The following ARIH1 variants were observed in gnomAD, a reference collection of about 807,000 sequenced individuals.
ARIH1 encodes the protein E3 ubiquitin-protein ligase ARIH1.
In ARIH1, 8 loss-of-function variants were observed where a neutral mutation model predicts 85.0. That is an observed-to-expected ratio of 0.09 (90% CI 0.06 to 0.17). The LOEUF is 0.17. ARIH1 is among the 10% of genes least tolerant of loss of function. The pLI is 1.00. For missense variants in ARIH1, 311 were observed against 718.1 expected (o/e 0.43, Z 6.48); for synonymous variants, 238 against 253.6 (o/e 0.94, Z 0.59).
intron 1 of ARIH1, among the ~76,000 whole-genome samples, chr15:72,493,271 G>T (rs185605412): frequency 8.8e-4 from 131 of 149,586 alleles, no homozygotes; most frequent in East Asian, 8.5e-3. Context: ...ACACTTTTTG[G>T]GGGGGGAGGT....
At chr15:72,483,874 A>C (rs1316770143) in intron 1 of ARIH1, among the ~76,000 whole-genome samples, 3 of 151,926 alleles carry the variant, frequency 2.0e-5, no homozygotes, top group Admixed American at 1.3e-4. Flanking sequence ...TTTAAAATAG[A>C]AAATTGTAGA....
intron 1 of ARIH1, among the ~76,000 whole-genome samples, chr15:72,477,263 C>A (rs970052836): frequency 6.6e-6 from 1 of 152,142 alleles, no homozygotes; most frequent in Non-Finnish European, 1.5e-5. Flanking sequence ...TTGCCCATTG[C>A]CCCTCTTTGG....
intron 1 of ARIH1, among the ~76,000 whole-genome samples, chr15:72,478,958 C>T (rs980734683): frequency 2.6e-5 from 4 of 152,136 alleles, no homozygotes; most frequent in Non-Finnish European, 5.9e-5. Flanking sequence ...CCGCCTCAGC[C>T]TCCTGAGTAG....
At chr15:72,475,295 C>T (rs1346129642) in intron 1 of ARIH1, 2 of 501,878 alleles carry the variant, frequency 4.0e-6, no homozygotes, top group Admixed American at 9.1e-5. Context: ...CAATTTCTGC[C>T]AGTCCCTGGG....
chr15:72,506,893 G>A (rs1406657024), intron 1 of ARIH1, among the ~76,000 whole-genome samples: 1 of 151,832 alleles, frequency 6.6e-6, no homozygotes, highest in Admixed American at 6.6e-5. Context: ...AAATAAGAAA[G>A]TTGTCTCTTG....
rs2064336632 is a variant in ARIH1 at position 72,590,134 on chromosome 15, A to G, written c.*6842A>G. 1 of 152,274 alleles carries G rather than the reference A, an allele frequency of 6.6e-6. No individual in the cohort carries two copies. Among genetic ancestry groups the G allele is most frequent in the African/African-American group, 2.4e-5 (1 of 41,464 alleles). The allele number at this position is 152,274 out of a possible 1,614,324, so 9.4% of individuals were successfully genotyped here. ...CAGTGCCGGGCACTGGCAGTACAGC[A>G]GTGAACAAAAGGTCTGTTGGTTTGT... On this transcript the variant is annotated 3_prime_UTR_variant, in exon 14 of 14. Coordinates refer to ENST00000379887, the MANE Select transcript of ARIH1 (RefSeq NM_005744.5).
rs138476328 is a variant in ARIH1, at chr15:72,478,474, C to A, written c.375+3460C>A. ...TAGCTAGGTAATTTATTAAAAGAACCCTGTTCAATTCTGCAGTTGGGAGTA... is the reference window on the plus strand; with the variant it reads ...TAGCTAGGTAATTTATTAAAAGAACACTGTTCAATTCTGCAGTTGGGAGTA... On this transcript the variant is annotated intron_variant, in intron 1 of 13. Transcript: ENST00000379887. Among the ~76,000 whole-genome samples, 982 of 152,196 alleles carry A rather than the reference C, an allele frequency of 6.5e-3. 11 individuals are homozygous for A. The highest frequency in any genetic ancestry group is 0.023 in the African/African-American group (940 of 41,522).
intron 5 of ARIH1, among the ~76,000 whole-genome samples, chr15:72,560,209 T>A (rs531106539): frequency 1.1e-4 from 17 of 152,268 alleles, no homozygotes; most frequent in Non-Finnish European, 2.1e-4. Flanking sequence ...AAGACAGATA[T>A]TAAACAAATG....
chr15:72,522,125 T>G (rs903466556), intron 2 of ARIH1, among the ~76,000 whole-genome samples: 3 of 152,194 alleles, frequency 2.0e-5, no homozygotes, highest in African/African-American at 2.4e-5. Flanking sequence ...TTAAAATAAT[T>G]AGAATTAAAT....
chr15:72,508,082 G>T (rs1024248367), intron 1 of ARIH1, among the ~76,000 whole-genome samples: 1 of 152,182 alleles, frequency 6.6e-6, no homozygotes, highest in Non-Finnish European at 1.5e-5. Context: ...AATCAGAATT[G>T]CTGGGGGCAA....
In ARIH1 at chr15:72,600,197, A is replaced by G. The variant is rs890723905; in HGVS notation, c.*16905A>G. 4.6e-5 allele frequency: 7 copies of G among 152,190 alleles called. No homozygotes were observed. Among genetic ancestry groups the G allele is most frequent in the African/African-American group, 9.7e-5 (4 of 41,436 alleles). The allele number at this position is 152,190 out of a possible 1,614,324, so 9.4% of individuals were successfully genotyped here. ...GTTACCGATGCCTGATTCCTCTTCT[A>G]TGTCCTCAGCCCCCACCATAAAAAT... On this transcript the variant is annotated 3_prime_UTR_variant, in exon 14 of 14. Coordinates refer to ENST00000379887, the MANE Select transcript of ARIH1 (RefSeq NM_005744.5).
In ARIH1 at chr15:72,587,894, T is replaced by G. The variant is rs1193957674; in HGVS notation, c.*4602T>G. 6.6e-6 allele frequency: 1 copy of G among 152,220 alleles called. No individual in the cohort carries two copies. The highest frequency in any genetic ancestry group is 1.9e-4 in the East Asian group (1 of 5,204). The allele number at this position is 152,220 out of a possible 1,614,324, so 9.4% of individuals were successfully genotyped here. A position where few individuals can be genotyped will look rare whatever the true frequency, so the allele number is the denominator to read the frequency against. On this transcript the variant is annotated 3_prime_UTR_variant, in exon 14 of 14. Transcript: ENST00000379887. ...TTTTAAGGCAACTATTGTTGACCTT[T>G]CTCTAGGCGGTAGCATTTAGGATGG...
At chr15:72,499,476 A>G (rs567009105) in intron 1 of ARIH1, among the ~76,000 whole-genome samples, 2 of 152,318 alleles carry the variant, frequency 1.3e-5, no homozygotes, top group South Asian at 4.1e-4. Flanking sequence ...TATGCCAGCT[A>G]TAGTTATATG....
intron 1 of ARIH1, among the ~76,000 whole-genome samples, chr15:72,497,564 C>G (rs188380903): frequency 2.0e-5 from 3 of 152,142 alleles, no homozygotes; most frequent in African/African-American, 7.2e-5. Flanking sequence ...GTTGCAAACA[C>G]TTGAAGATGA....
intron 2 of ARIH1, 39 bp from the exon 3 acceptor site, chr15:72,544,781 A>G (rs1595866193): frequency 6.3e-7 from 1 of 1,576,678 alleles, no homozygotes; most frequent in South Asian, 1.2e-5. Context: ...ACAGTGTGCA[A>G]GTTGCTGGGC....
At chr15:72,546,936 G>A (rs914239523) in intron 3 of ARIH1, among the ~76,000 whole-genome samples, 4 of 52,264 alleles carry the variant, frequency 7.7e-5, no homozygotes, top group African/African-American at 1.4e-4. Flanking sequence ...TTTTTTGGAG[G>A]GGGGGGGGTG....
At chr15:72,501,981 T>A (rs1381546308) in intron 1 of ARIH1, among the ~76,000 whole-genome samples, 1 of 152,196 alleles carries the variant, frequency 6.6e-6, no homozygotes, top group East Asian at 1.9e-4. Context: ...GATAAAAGTT[T>A]AAAAACTAGG....
At chr15:72,533,181 T>C (rs903059475) in intron 2 of ARIH1, among the ~76,000 whole-genome samples, 1 of 152,126 alleles carries the variant, frequency 6.6e-6, no homozygotes, top group African/African-American at 2.4e-5. Context: ...CAGGCTGGGG[T>C]GCAGTGGTGA....
In ARIH1 at chr15:72,510,723, C is replaced by G. The variant is rs1180285300; in HGVS notation, c.376-7344C>G. On this transcript the variant is annotated intron_variant, in intron 1 of 13. Transcript: ENST00000379887. ...CTGCACTCCAGCCTGGGCAACAGAG[C>G]AAGACTCTGACTCAAAAAAAAAAAA... Among the ~76,000 whole-genome samples the G allele has an allele frequency of 1.4e-4, 11 of 80,880 alleles. No homozygotes were observed. The South Asian group carries it at 4.9e-3, about 36-fold the overall frequency. The allele number at this position is 80,880 out of a possible 152,430, so 53.1% of individuals were successfully genotyped here.
Sources: allele counts gnomAD v4.1 joint callset (sites outside exome capture counted in the v4.1 genomes callset), GRCh38; gene constraint gnomAD v4.1.1; transcripts MANE v1.5; gene names NCBI Gene and HGNC (gene_info 2026-07-23, HGNC 2026-07-21).